EGFL6: variants seen among roughly 807,000 people sequenced by gnomAD.
EGFL6 encodes the protein EGF like domain multiple 6, also known as epidermal growth factor-like protein 6.
EGFL6 carries 42 observed loss-of-function variants against 43.1 expected under a neutral mutation model. The ratio of observed to expected loss-of-function variants is 0.98; its 90% CI spans 0.76 to 1.26. EGFL6 has a LOEUF of 1.26. Among genes scored for constraint, EGFL6 ranks in the 50% most tolerant of loss-of-function variants. The pLI is 0.00. For synonymous variants in EGFL6, 164 were observed against 163.2 expected, an observed-to-expected ratio of 1.01 and a Z score of -0.04; for missense variants, 429 against 427.8, an observed-to-expected ratio of 1.00 and a Z score of -0.02.
At chrX:13,628,868 G>A (rs2045796402) in intron 11 of EGFL6, among the ~76,000 whole-genome samples, 1 of 112,502 alleles carries the variant, frequency 8.9e-6, no homozygotes, top group African/African-American at 3.2e-5. Context: ...AGGAAAAAGG[G>A]TGAAAGCTAG....
intron 1 of EGFL6, among the ~76,000 whole-genome samples, chrX:13,578,826 G>GC (rs1187772807): frequency 9.1e-6 from 1 of 109,868 alleles, no homozygotes; most frequent in Non-Finnish European, 1.9e-5. Context: ...TATACCTAAT[G>GC]TAAATGACGA....
chrX:13,600,833 C>T (rs1246893241), intron 4 of EGFL6, among the ~76,000 whole-genome samples: 1 of 107,384 alleles, frequency 9.3e-6, no homozygotes, highest in African/African-American at 3.4e-5. Flanking sequence ...GTGAAATTCA[C>T]ATTATTTTAA....
At chrX:13,620,695 T>C (rs1243622966) in intron 9 of EGFL6, among the ~76,000 whole-genome samples, 1 of 111,364 alleles carries the variant, frequency 9.0e-6, no homozygotes, top group African/African-American at 3.3e-5. Context: ...TATTGCCCAT[T>C]TTCCTGGTTA....
intron 8 of EGFL6, 137 bp downstream of exon 8, chrX:13,618,190 C>T: frequency 1.7e-6 from 1 of 575,623 alleles, no homozygotes; most frequent in Middle Eastern, 5.6e-4. Context: ...GCAACATTCT[C>T]TGTAATGTCT....
At chrX:13,594,559 C>T (rs1462966589) in intron 2 of EGFL6, among the ~76,000 whole-genome samples, 2 of 111,851 alleles carry the variant, frequency 1.8e-5, no homozygotes, top group Admixed American at 1.9e-4. Context: ...GGCATTTGCC[C>T]AGGGTTACTC....
chrX:13,574,778 C>A, intron 1 of EGFL6: 2 of 114,203 alleles, frequency 1.8e-5, no homozygotes, highest in South Asian at 6.2e-4. Flanking sequence ...GGCTCCAACT[C>A]ATTATGAAAA....
chrX:13,632,296 G>GTTT (rs1569211917), intron 11 of EGFL6, among the ~76,000 whole-genome samples: 1 of 98,009 alleles, frequency 1.0e-5, no homozygotes, highest in Non-Finnish European at 2.0e-5. Context: ...TTTGTTTTTT[G>GTTT]GTTTTTTTTT....
chrX:13,627,079 C>G lies in EGFL6; in HGVS notation c.1354C>G (p.Leu452Val). The G allele has an allele frequency of 8.2e-7, 1 of 1,212,291 alleles. No homozygotes were observed. The highest frequency in any genetic ancestry group is 1.1e-6 in the Non-Finnish European group (1 of 895,648). ...HKKDIGRLKL[L>V]LPDLQPQSNF... ...GAAAGACATTGGCCGATTGAAACTT[C>G]TCCTACCTGACCTGCAACCCCAAAG... is the stretch of plus-strand genomic sequence containing the variant. Residue 452 changes from leucine (L) to valine (V), a missense_variant, in exon 11 of 12, where the codon CTC becomes GTC. Physicochemically the swap from Leu to Val is conservative, Grantham distance 32. Transcript: ENST00000361306.
chrX:13,611,403 CA>C (rs2045688091), intron 7 of EGFL6, among the ~76,000 whole-genome samples: 1 of 111,047 alleles, frequency 9.0e-6, no homozygotes. Flanking sequence ...GTTGTGCATA[CA>C]AAAAAAGACA....
At chrX:13,603,504 T>A (rs2045645387) in intron 5 of EGFL6, 68 bp downstream of exon 5, 1 of 1,078,748 alleles carries the variant, frequency 9.3e-7, no homozygotes, top group Non-Finnish European at 1.2e-6. Context: ...TGAATCTTTT[T>A]TCATTCATCA....
At chrX:13,621,791 A>G (rs371264562) in intron 9 of EGFL6, among the ~76,000 whole-genome samples, 25 of 112,808 alleles carry the variant, frequency 2.2e-4, no homozygotes, top group African/African-American at 8.0e-4. Context: ...GTGTGGCACC[A>G]AGAGCATCTG....
intron 1 of EGFL6, among the ~76,000 whole-genome samples, chrX:13,573,621 A>G (rs1273201542): frequency 8.9e-6 from 1 of 112,358 alleles, no homozygotes; most frequent in Non-Finnish European, 1.9e-5. Flanking sequence ...TTGAGGCCCT[A>G]GTCAGTGTCA....
intron 3 of EGFL6, among the ~76,000 whole-genome samples, chrX:13,598,889 CAT>C (rs1258945697): frequency 9.7e-6 from 1 of 102,981 alleles, no homozygotes; most frequent in Non-Finnish European, 2.0e-5. Context: ...ATATAATTCA[CAT>C]ATATATAATT....
chrX:13,603,446 C>G lies in EGFL6; in HGVS notation c.520+10C>G. 8.4e-7 allele frequency: 1 copy of G among 1,193,257 alleles called. No homozygotes were observed. The highest frequency in any genetic ancestry group is 1.1e-6 in the Non-Finnish European group (1 of 887,396). ...GGAAGAGACTGTCTAGGTACAACAGCAGGAATCACCTCTACTCCTCCTTCT... is the reference window on the plus strand; with the variant it reads ...GGAAGAGACTGTCTAGGTACAACAGGAGGAATCACCTCTACTCCTCCTTCT... On this transcript the variant is annotated intron_variant, in intron 5 of 11. Coordinates refer to ENST00000361306, the MANE Select transcript of EGFL6 (RefSeq NM_015507.4).
At chrX:13,617,622 A>G (rs1005487433) in intron 7 of EGFL6, 108 bp from the exon 8 acceptor site, 7 of 656,391 alleles carry the variant, frequency 1.1e-5, no homozygotes, top group Non-Finnish European at 1.7e-5. Context: ...ATGTGGGTTC[A>G]TTCTGGAAGC....
At chrX:13,618,810 A>G (rs1262868823) in intron 8 of EGFL6, among the ~76,000 whole-genome samples, 2 of 111,160 alleles carry the variant, frequency 1.8e-5, no homozygotes, top group Non-Finnish European at 3.8e-5. Flanking sequence ...AAGGAAAAGT[A>G]GACACAGGCC....
chrX:13,577,409 A>T (rs961280687), intron 1 of EGFL6, among the ~76,000 whole-genome samples: 1 of 100,112 alleles, frequency 1.0e-5, no homozygotes, highest in Non-Finnish European at 2.0e-5. Context: ...CATATGTATA[A>T]ACATATAAAA....
intron 2 of EGFL6, 31 bp downstream of exon 2, chrX:13,589,699 T>C: frequency 8.8e-7 from 1 of 1,138,287 alleles, no homozygotes; most frequent in Non-Finnish European, 1.2e-6. Flanking sequence ...ACCCTGCACT[T>C]GGATCAGGGC....
In EGFL6 at chrX:13,571,552, G is replaced by C. The variant is rs183825882; in HGVS notation, c.74+1617G>C. Among the ~76,000 whole-genome samples the C allele has an allele frequency of 1.9e-3, 207 of 111,758 alleles. 1 individual carries two copies. Among genetic ancestry groups the C allele is most frequent in the Non-Finnish European group, 1.7e-3 (90 of 53,163 alleles). ...ATGCTGTTTGGAGATGAGATTAATA[G>C]TTCTTTAGCGGCCAGCAAACTGACC... On this transcript the variant is annotated intron_variant, in intron 1 of 11. Transcript: ENST00000361306.
Sources: gnomAD v4.1 joint callset for allele counts (sites outside exome capture counted in the v4.1 genomes callset) on GRCh38, gnomAD v4.1.1 for gene constraint, MANE v1.5 for transcripts, NCBI Gene and HGNC (gene_info 2026-07-23, HGNC 2026-07-21) for gene names.